WASF3: variants seen among roughly 807,000 people sequenced by gnomAD.
WASF3 encodes the protein actin-binding protein WASF3.
WASF3 carries 11 observed loss-of-function variants against 46.6 expected under a neutral mutation model. The observed-to-expected ratio is 0.24, with a 90% confidence interval of 0.15 to 0.39. The LOEUF is 0.39. Among genes scored for constraint, WASF3 ranks in the 10% least tolerant of loss-of-function variants. The probability of loss-of-function intolerance (pLI) is 1.00; values close to 1 mark genes in which losing one functional copy is unlikely to be tolerated. For missense variants in WASF3, 576 were observed against 669.8 expected, an observed-to-expected ratio of 0.86 and a Z score of 1.55; for synonymous variants, 242 against 259.7, an observed-to-expected ratio of 0.93 and a Z score of 0.65.
At chr13:26,551,708 C>T in the WASF3 span, among the ~76,000 whole-genome samples, 1 of 151,998 alleles carries the variant, frequency 6.6e-6, no homozygotes, top group Non-Finnish European at 1.5e-5. Flanking sequence ...TGAGGAAGGG[C>T]AGGAGGGGTA....
At chr13:26,663,884 A>C (rs537080260) in intron 3 of WASF3, among the ~76,000 whole-genome samples, 1 of 152,146 alleles carries the variant, frequency 6.6e-6, no homozygotes, top group South Asian at 2.1e-4. Context: ...TGTTTCATCT[A>C]TTTCTGCCAT....
At chr13:26,608,973 A>G (rs1013829864) in intron 1 of WASF3, among the ~76,000 whole-genome samples, 1 of 152,196 alleles carries the variant, frequency 6.6e-6, no homozygotes, top group East Asian at 1.9e-4. Flanking sequence ...TTTAGGAGGT[A>G]AGGCTGGAAA....
Position 26,682,513 on chromosome 13 carries a change from G to T in WASF3, c.984-94G>T. 2 of 1,464,810 alleles carry T rather than the reference G, an allele frequency of 1.4e-6. No homozygotes were observed. Among genetic ancestry groups the T allele is most frequent in the Non-Finnish European group, 1.9e-6 (2 of 1,062,842 alleles). The allele number at this position is 1,464,810 out of a possible 1,614,324, so 90.7% of individuals were successfully genotyped here. A position where few individuals can be genotyped will look rare whatever the true frequency, so the allele number is the denominator to read the frequency against. On this transcript the variant is annotated intron_variant, in intron 8 of 9. Transcript: ENST00000335327. The surrounding 1 kb of genome is among the most constrained non-coding windows in gnomAD (Gnocchi z 4.4). ...TGAAGTTCAGGTGACAATACGTGTT[G>T]TGTCTGGGGATGGCTCCGTTAGGTG...
chr13:26,546,470 A>C, the WASF3 span, among the ~76,000 whole-genome samples: 1 of 152,216 alleles, frequency 6.6e-6, no homozygotes, highest in Non-Finnish European at 1.5e-5. Flanking sequence ...TGGGAGGCCG[A>C]GGTGGGTGGA....
chr13:26,607,527 T>C (rs1445164776), intron 1 of WASF3, among the ~76,000 whole-genome samples: 1 of 152,194 alleles, frequency 6.6e-6, no homozygotes, highest in African/African-American at 2.4e-5. Context: ...ACTTTTCTTA[T>C]TATCCCAGCT....
chr13:26,553,674 A>G (rs1206071484), upstream of WASF3, among the ~76,000 whole-genome samples: 1 of 151,892 alleles, frequency 6.6e-6, no homozygotes, highest in African/African-American at 2.4e-5. Context: ...AAAATTAGCC[A>G]GTTGTGGTGG....
At chr13:26,672,107 G>T in intron 6 of WASF3, 118 bp downstream of exon 6, 1 of 766,374 alleles carries the variant, frequency 1.3e-6, no homozygotes, top group Admixed American at 2.9e-5. Context: ...TTTTTTTAGA[G>T]GTTGCATTTC....
At chr13:26,603,729 T>TGC (rs1445140197) in intron 1 of WASF3, among the ~76,000 whole-genome samples, 1 of 152,178 alleles carries the variant, frequency 6.6e-6, no homozygotes, top group Non-Finnish European at 1.5e-5. Flanking sequence ...TATGATGGCC[T>TGC]GTGAACAACT....
chr13:26,665,446 A>G (rs988737696), intron 4 of WASF3, among the ~76,000 whole-genome samples: 2 of 152,194 alleles, frequency 1.3e-5, no homozygotes, highest in Non-Finnish European at 2.9e-5. Context: ...AGAAGCCCCA[A>G]TTTAGGTTAC....
chr13:26,638,262 G>A (rs991308388), intron 2 of WASF3: 1 of 152,194 alleles, frequency 6.6e-6, no homozygotes, highest in Non-Finnish European at 1.5e-5. Context: ...AGACCAAGCT[G>A]GATAGCATAG....
chr13:26,563,335 C>T (rs954161181), intron 1 of WASF3, among the ~76,000 whole-genome samples: 1 of 152,084 alleles, frequency 6.6e-6, no homozygotes, highest in East Asian at 1.9e-4. Context: ...GTTGCACCGC[C>T]CCCGATGTCA....
chr13:26,555,368 A>T (rs1277851418), upstream of WASF3, among the ~76,000 whole-genome samples: 2 of 152,182 alleles, frequency 1.3e-5, no homozygotes, highest in Non-Finnish European at 2.9e-5. Context: ...TGCCACTCTC[A>T]TACCCAAGGT....
rs1044927161 is a variant in WASF3, at chr13:26,585,448, A to C, written c.-108-27513A>C. On this transcript the variant is annotated intron_variant, in intron 1 of 9. Transcript: ENST00000335327. Reference sequence around the variant, plus strand: ...CTTAATAATGATAAGTTAAATAACTATAATTTTACTATACTCAGTCATATG... The same window carrying C: ...CTTAATAATGATAAGTTAAATAACTCTAATTTTACTATACTCAGTCATATG... 3.3e-5 allele frequency among the ~76,000 whole-genome samples: 5 copies of C among 152,216 alleles called. No individual in the cohort carries two copies. In the East Asian group the frequency reaches 9.6e-4, roughly 29 times the overall value.
intron 3 of WASF3, among the ~76,000 whole-genome samples, chr13:26,646,769 ACC>A (rs1382279570): frequency 6.6e-6 from 1 of 152,116 alleles, no homozygotes; most frequent in African/African-American, 2.4e-5. Flanking sequence ...TACTGTGAAA[ACC>A]CAGGGCAACT....
chr13:26,641,856 C>T (rs1882006746), intron 2 of WASF3: 1 of 152,584 alleles, frequency 6.6e-6, no homozygotes, highest in Non-Finnish European at 1.5e-5. Context: ...AAACCATAAA[C>T]ACCAGTTCTG....
intron 2 of WASF3, among the ~76,000 whole-genome samples, chr13:26,628,236 A>G (rs931165476): frequency 5.0e-4 from 76 of 152,180 alleles, no homozygotes; most frequent in Non-Finnish European, 6.0e-4. Flanking sequence ...AAAACAAACA[A>G]ATGTGTTAGG....
chr13:26,667,494 C>A, intron 4 of WASF3, 23 bp from the exon 5 acceptor site: 1 of 1,595,848 alleles, frequency 6.3e-7, no homozygotes, highest in Non-Finnish European at 8.5e-7. Context: ...TATAACTCAA[C>A]TTGGGGGATT....
intron 7 of WASF3, chr13:26,680,015 G>T: frequency 6.3e-7 from 1 of 1,592,332 alleles, no homozygotes; most frequent in Admixed American, 1.7e-5. Context: ...CCCCCAATGT[G>T]TGTTTGGTAT....
intron 1 of WASF3, among the ~76,000 whole-genome samples, chr13:26,592,947 A>G (rs1474340872): frequency 1.3e-5 from 2 of 152,074 alleles, no homozygotes; most frequent in East Asian, 3.9e-4. Context: ...TTCTTCACAA[A>G]TGTTTTTGCA....
Sources: allele counts gnomAD v4.1 joint callset (sites outside exome capture counted in the v4.1 genomes callset), GRCh38; gene constraint gnomAD v4.1.1; non-coding constraint Gnocchi (gnomAD v3.1); transcripts MANE v1.5; gene names NCBI Gene and HGNC (gene_info 2026-07-23, HGNC 2026-07-21).